CD2AP: variants seen among roughly 807,000 people sequenced by gnomAD.
CD2AP encodes CD2-associated protein.
Under a neutral mutation model 85.1 loss-of-function variants are expected in CD2AP, and 46 were observed. That is an observed-to-expected ratio of 0.54 (90% CI 0.43 to 0.69). The LOEUF (loss-of-function observed/expected upper bound fraction) is 0.69. Among genes scored for constraint, CD2AP ranks in the 30% least tolerant of loss-of-function variants. The probability of loss-of-function intolerance (pLI) is 0.00; values close to 1 mark genes in which losing one functional copy is unlikely to be tolerated. For missense variants in CD2AP, 769 were observed against 729.5 expected (o/e 1.05, Z -0.62); for synonymous variants, 255 against 252.9 (o/e 1.01, Z -0.08).
intron 14 of CD2AP, 120 bp from the exon 15 acceptor site, chr6:47,607,807 G>T: frequency 1.5e-6 from 1 of 669,104 alleles, no homozygotes; most frequent in Middle Eastern, 3.4e-4. Context: ...ATAATAATGG[G>T]ATATCAGCAA....
chr6:47,610,348 G>T lies in CD2AP; in HGVS notation c.1814+1044G>T, dbSNP rs561471030. Among the ~76,000 whole-genome samples the T allele has an allele frequency of 1.7e-4, 25 of 150,920 alleles. No homozygotes were observed. In the East Asian group the frequency reaches 4.3e-3, roughly 26 times the overall value. ...TAATCTAATTGAAATGAGAGTGAGGGTGCTCATCCCTTGTCTTCAAATTCC... is the reference window on the plus strand; with the variant it reads ...TAATCTAATTGAAATGAGAGTGAGGTTGCTCATCCCTTGTCTTCAAATTCC... On this transcript the variant is annotated intron_variant, in intron 16 of 17. Transcript: ENST00000359314.
chr6:47,579,501 T>C lies in CD2AP; in HGVS notation c.1008+12T>C. ...ATAAAGACTTTCCAGTAAGCTTTTG[T>C]TTTTCAATGATGATAATACTTGAAA... On this transcript the variant is annotated intron_variant, in intron 9 of 17. Transcript: ENST00000359314. 1.3e-6 allele frequency: 2 copies of C among 1,490,966 alleles called. No individual in the cohort carries two copies. Among genetic ancestry groups the C allele is most frequent in the South Asian group, 2.3e-5 (2 of 88,462 alleles). 92.4% of individuals were successfully genotyped at this position (1,490,966 alleles called of 1,614,324 possible). A position where few individuals can be genotyped will look rare whatever the true frequency, so the allele number is the denominator to read the frequency against.
At chr6:47,584,883 G>A (rs1054704263) in intron 11 of CD2AP, among the ~76,000 whole-genome samples, 1 of 151,770 alleles carries the variant, frequency 6.6e-6, no homozygotes, top group Admixed American at 6.6e-5. Context: ...TATATTGCTG[G>A]CTTTATTATC....
chr6:47,524,305 C>T (rs1346885597), intron 2 of CD2AP, among the ~76,000 whole-genome samples: 1 of 152,104 alleles, frequency 6.6e-6, no homozygotes. Context: ...TTGGACCCAG[C>T]ACGACTTGCC....
intron 13 of CD2AP, among the ~76,000 whole-genome samples, chr6:47,603,373 TA>T (rs1769194280): frequency 6.6e-6 from 1 of 152,076 alleles, no homozygotes; most frequent in African/African-American, 2.4e-5. Flanking sequence ...TATCATGGGC[TA>T]AAGACTAAAA....
At chr6:47,483,048 AAAAG>A (rs1245187035) in intron 1 of CD2AP, among the ~76,000 whole-genome samples, 1 of 152,224 alleles carries the variant, frequency 6.6e-6, no homozygotes, top group East Asian at 1.9e-4. Flanking sequence ...TTATGTTCAG[AAAAG>A]AAAGAGCAAA....
rs530827719 is a variant in CD2AP, at chr6:47,498,548, T to A, written c.5-4732T>A. Among the ~76,000 whole-genome samples the A allele has an allele frequency of 4.6e-5, 7 of 152,328 alleles. No individual in the cohort carries two copies. In the East Asian group the frequency reaches 1.3e-3, roughly 29 times the overall value. On this transcript the variant is annotated intron_variant, in intron 1 of 17. Coordinates refer to ENST00000359314, the MANE Select transcript of CD2AP (RefSeq NM_012120.3). ...TCCTTGAATTTCTGTTAATTGGATG[T>A]TGGATTGATTGGGCCTTTTCCTTAT...
chr6:47,604,878 T>A (rs1769228078), intron 13 of CD2AP, among the ~76,000 whole-genome samples: 2 of 152,030 alleles, frequency 1.3e-5, no homozygotes, highest in African/African-American at 4.8e-5. Context: ...TTGATACAAG[T>A]GAGAACACAC....
chr6:47,490,169 C>G (rs1765692426), intron 1 of CD2AP, among the ~76,000 whole-genome samples: 1 of 152,050 alleles, frequency 6.6e-6, no homozygotes, highest in East Asian at 1.9e-4. Context: ...AAACTGTAGA[C>G]ATAGGGTCTT....
chr6:47,508,534 C>CTTTTTTTTTTTTTTT (rs374284567), intron 2 of CD2AP, among the ~76,000 whole-genome samples: 1 of 129,408 alleles, frequency 7.7e-6, no homozygotes, highest in Non-Finnish European at 1.6e-5. Flanking sequence ...TTCTTTCTTT[C>CTTTTTTTTTTTTTTT]TTTTTTTTTT....
At chr6:47,514,189 A>G (rs1766393212) in intron 2 of CD2AP, among the ~76,000 whole-genome samples, 1 of 151,978 alleles carries the variant, frequency 6.6e-6, no homozygotes, top group Non-Finnish European at 1.5e-5. Flanking sequence ...TAAAATTTTC[A>G]TTTTTAGTAT....
chr6:47,562,060 G>A (rs1767877740), intron 5 of CD2AP, among the ~76,000 whole-genome samples: 1 of 152,152 alleles, frequency 6.6e-6, no homozygotes, highest in African/African-American at 2.4e-5. Flanking sequence ...CACTGCACCC[G>A]GCTGAGTTTG....
intron 1 of CD2AP, among the ~76,000 whole-genome samples, chr6:47,496,970 T>C (rs891108545): frequency 6.6e-6 from 1 of 152,190 alleles, no homozygotes; most frequent in Non-Finnish European, 1.5e-5. Context: ...CTTTACTCTT[T>C]CCTTTACGAA....
intron 1 of CD2AP, among the ~76,000 whole-genome samples, chr6:47,488,237 A>C (rs1425817473): frequency 6.6e-6 from 1 of 152,086 alleles, no homozygotes; most frequent in Non-Finnish European, 1.5e-5. Flanking sequence ...TAACATGTTA[A>C]ACACATTTAG....
At chr6:47,502,529 C>G (rs1000309913) in intron 1 of CD2AP, among the ~76,000 whole-genome samples, 1 of 147,250 alleles carries the variant, frequency 6.8e-6, no homozygotes, top group African/African-American at 2.5e-5. Flanking sequence ...GAGTCTCGCT[C>G]TGTTGCCAGC....
At chr6:47,598,382 C>T (rs1031979251) in intron 12 of CD2AP, among the ~76,000 whole-genome samples, 1 of 150,974 alleles carries the variant, frequency 6.6e-6, no homozygotes, top group African/African-American at 2.4e-5. Flanking sequence ...CCATTTGATC[C>T]AGCAATCCCA....
intron 11 of CD2AP, among the ~76,000 whole-genome samples, chr6:47,590,881 A>G (rs1279114579): frequency 1.3e-5 from 2 of 152,302 alleles, no homozygotes; most frequent in African/African-American, 4.8e-5. Flanking sequence ...TGCAAAGAAA[A>G]CATTGAGGCA....
In CD2AP at chr6:47,524,813, A is replaced by G. The variant is rs370679749; in HGVS notation, c.166-8789A>G. Among the ~76,000 whole-genome samples, 4 of 152,240 alleles carry G rather than the reference A, an allele frequency of 2.6e-5. No individual in the cohort carries two copies. The South Asian group carries it at 6.2e-4, about 24-fold the overall frequency. On this transcript the variant is annotated intron_variant, in intron 2 of 17. Transcript: ENST00000359314. ...GGAGAGCAATTGTGTAACAAAAAGCATAGTAGAGGAGAGAAGTTTAGAAAC... is the reference window on the plus strand; with the variant it reads ...GGAGAGCAATTGTGTAACAAAAAGCGTAGTAGAGGAGAGAAGTTTAGAAAC...
Position 47,613,671 on chromosome 6 carries a change from G to A in CD2AP, c.1878+1135G>A, listed in dbSNP as rs374239162. ...CTTAAGGGCCAAGGATTTTCAGAATGATAAATAAGTGATGGTTTCCATTAA... is the reference window on the plus strand; with the variant it reads ...CTTAAGGGCCAAGGATTTTCAGAATAATAAATAAGTGATGGTTTCCATTAA... On this transcript the variant is annotated intron_variant, in intron 17 of 17. Transcript: ENST00000359314. 3.3e-5 allele frequency among the ~76,000 whole-genome samples: 5 copies of A among 152,112 alleles called. No individual in the cohort carries two copies. In the East Asian group the frequency reaches 7.7e-4, roughly 23 times the overall value.
Sources: allele counts gnomAD v4.1 joint callset (sites outside exome capture counted in the v4.1 genomes callset), GRCh38; gene constraint gnomAD v4.1.1; transcripts MANE v1.5; gene names NCBI Gene and HGNC (gene_info 2026-07-23, HGNC 2026-07-21).